DLG2: variants seen among roughly 807,000 people sequenced by gnomAD.
The protein encoded by DLG2 is disks large homolog 2.
In DLG2, 45 loss-of-function variants were observed where a neutral mutation model predicts 132.5. The ratio of observed to expected loss-of-function variants is 0.34; its 90% confidence interval spans 0.27 to 0.44. DLG2 has a LOEUF of 0.44. Ranked by LOEUF, DLG2 falls within the 20% of genes least tolerant of loss-of-function variation. The pLI, the probability that DLG2 is intolerant of heterozygous loss-of-function variation, is 1.00. For missense variants in DLG2, 1,045 were observed against 1,196.9 expected, an observed-to-expected ratio of 0.87 and a Z score of 1.87; for synonymous variants, 424 against 419.6, an observed-to-expected ratio of 1.01 and a Z score of -0.13.
chr11:84,079,273 G>GT (rs2096869903), intron 10 of DLG2, among the ~76,000 whole-genome samples: 1 of 91,598 alleles, frequency 1.1e-5, no homozygotes, highest in Non-Finnish European at 2.7e-5. Flanking sequence ...TTCTATTTTT[G>GT]GTTTGTTTTT....
At chr11:83,739,366 G>C (rs1019218378) in intron 18 of DLG2, among the ~76,000 whole-genome samples, 2 of 151,936 alleles carry the variant, frequency 1.3e-5, no homozygotes, top group Non-Finnish European at 2.9e-5. Context: ...CGTTTCTATG[G>C]ATAAATTGTT....
chr11:84,522,094 G>A (rs1201934109), intron 7 of DLG2, among the ~76,000 whole-genome samples: 5 of 151,992 alleles, frequency 3.3e-5, no homozygotes, highest in African/African-American at 7.2e-5. Flanking sequence ...CTTGAATCCA[G>A]GAGGCAGAGA....
At chr11:84,852,884 G>T (rs887521796) in intron 6 of DLG2, among the ~76,000 whole-genome samples, 1 of 151,850 alleles carries the variant, frequency 6.6e-6, no homozygotes, top group Non-Finnish European at 1.5e-5. Context: ...AAATAAAAAA[G>T]TTGCCATAGT....
Position 84,192,603 on chromosome 11 carries a change from G to A in DLG2, c.574-29092C>T, listed in dbSNP as rs187976695. Among the ~76,000 whole-genome samples, 440 of 152,112 alleles carry A rather than the reference G, an allele frequency of 2.9e-3. 1 individual carries two copies. The highest frequency in any genetic ancestry group is 0.01 in the African/African-American group (426 of 41,496). ...AAATTAGCTGGGCGTGGTGGCAGGC[G>A]CCTGTAGTCCCAGCTACTCGGGAGG... On this transcript the variant is annotated intron_variant, in intron 8 of 27. Coordinates refer to ENST00000376104, the MANE Select transcript of DLG2 (RefSeq NM_001142699.3).
chr11:84,809,324 T>C (rs1054303261), intron 6 of DLG2, among the ~76,000 whole-genome samples: 1 of 151,902 alleles, frequency 6.6e-6, no homozygotes, highest in African/African-American at 2.4e-5. Context: ...GTACCTAACA[T>C]TAGATTTAAG....
At chr11:84,237,749 A>T (rs977321879) in intron 8 of DLG2, among the ~76,000 whole-genome samples, 26 of 149,452 alleles carry the variant, frequency 1.7e-4, no homozygotes, top group Admixed American at 1.0e-3. Flanking sequence ...TAGAAAAGGA[A>T]AGACACAGCC....
At chr11:83,507,757 ATTATATATATATATAT>A (rs1412666816) in intron 21 of DLG2, among the ~76,000 whole-genome samples, 7 of 78,462 alleles carry the variant, frequency 8.9e-5, no homozygotes, top group Admixed American at 3.7e-4. Flanking sequence ...ATATATTTTT[ATTATATATATATATAT>A]ATATATATAT....
At position 84,308,725 on chromosome 11, in the gene DLG2, C is replaced by T. The variant is rs1056442064; in HGVS notation, c.520-57434G>A. 1.1e-4 allele frequency among the ~76,000 whole-genome samples: 16 copies of T among 152,276 alleles called. 1 individual carries two copies. The East Asian group carries it at 3.1e-3, about 29-fold the overall frequency. ...GCCCGTGAGAAATCGAGCGCAGCGC[C>T]GGTGGGCCGGCACTGCTGGGGGACC... is the stretch of plus-strand genomic sequence containing the variant. On this transcript the variant is annotated intron_variant, in intron 7 of 27. Coordinates refer to ENST00000376104, the MANE Select transcript of DLG2 (RefSeq NM_001142699.3).
intron 3 of DLG2, among the ~76,000 whole-genome samples, chr11:85,471,882 C>G (rs181610338): frequency 6.6e-6 from 1 of 152,088 alleles, no homozygotes; most frequent in Admixed American, 6.5e-5. Flanking sequence ...AAATCCTAGA[C>G]ACCAATGACA....
At chr11:84,004,288 C>G (rs1414852666) in intron 11 of DLG2, among the ~76,000 whole-genome samples, 4 of 151,992 alleles carry the variant, frequency 2.6e-5, no homozygotes, top group African/African-American at 9.7e-5. Flanking sequence ...TTTACATATG[C>G]AAATCAACAA....
intron 3 of DLG2, among the ~76,000 whole-genome samples, chr11:85,292,658 G>GGAAAGA (rs1565279282): frequency 9.5e-5 from 1 of 10,536 alleles, no homozygotes. Context: ...GGAAGGAAGG[G>GGAAAGA]AGGGAGGGAG....
chr11:83,535,320 G>A (rs897442409), intron 20 of DLG2, among the ~76,000 whole-genome samples: 1 of 152,038 alleles, frequency 6.6e-6, no homozygotes, highest in Non-Finnish European at 1.5e-5. Flanking sequence ...ATTTGATCAG[G>A]GTATGCAAAT....
intron 7 of DLG2, among the ~76,000 whole-genome samples, chr11:84,460,863 G>C (rs932403702): frequency 6.6e-6 from 1 of 150,802 alleles, no homozygotes; most frequent in African/African-American, 2.4e-5. Flanking sequence ...AGCTGATCAA[G>C]TAAAGCAGTT....
intron 7 of DLG2, among the ~76,000 whole-genome samples, chr11:84,499,564 T>C (rs749979606): frequency 2.6e-5 from 4 of 152,214 alleles, no homozygotes; most frequent in African/African-American, 4.8e-5. Context: ...AATGGATATC[T>C]TGGATGAAAA....
Position 85,514,429 on chromosome 11 carries a change from C to T in DLG2, c.40+84228G>A, listed in dbSNP as rs375583092. Among the ~76,000 whole-genome samples the T allele has an allele frequency of 2.0e-5, 3 of 151,866 alleles. No individual in the cohort carries two copies. In the East Asian group the frequency reaches 5.8e-4, roughly 29 times the overall value. ...TTTGAATATGCTTTTATTATTTTAC[C>T]TTACTTTTCAATACAATTCAACTTT... is the stretch of plus-strand genomic sequence containing the variant. On this transcript the variant is annotated intron_variant, in intron 3 of 27. Transcript: ENST00000376104.
At chr11:84,392,263 A>G (rs1332439568) in intron 7 of DLG2, among the ~76,000 whole-genome samples, 1 of 152,126 alleles carries the variant, frequency 6.6e-6, no homozygotes, top group Non-Finnish European at 1.5e-5. Flanking sequence ...CTCGCACACT[A>G]CTATGTTCTA....
intron 7 of DLG2, among the ~76,000 whole-genome samples, chr11:84,265,063 T>G (rs1463619126): frequency 6.6e-6 from 1 of 152,214 alleles, no homozygotes; most frequent in East Asian, 1.9e-4. Context: ...ATTTAAGATC[T>G]TTCTCCTCAC....
chr11:84,941,419 G>A (rs1288145978), intron 6 of DLG2, among the ~76,000 whole-genome samples: 1 of 152,074 alleles, frequency 6.6e-6, no homozygotes, highest in Non-Finnish European at 1.5e-5. Context: ...TTTCTTCAGT[G>A]TTTTGTAGTT....
intron 3 of DLG2, among the ~76,000 whole-genome samples, chr11:85,335,051 C>G (rs527878581): frequency 6.6e-6 from 1 of 152,228 alleles, no homozygotes; most frequent in South Asian, 2.1e-4. Context: ...CTGTAGTTAT[C>G]TAAGTCTCTT....
Sources: gnomAD v4.1 joint callset for allele counts (sites outside exome capture counted in the v4.1 genomes callset) on GRCh38, gnomAD v4.1.1 for gene constraint, MANE v1.5 for transcripts, NCBI Gene and HGNC (gene_info 2026-07-23, HGNC 2026-07-21) for gene names.